The following PDE4D variants were observed in gnomAD, a reference collection of about 807,000 sequenced individuals.
PDE4D encodes the protein phosphodiesterase 4D.
In PDE4D, 24 loss-of-function variants were observed where a neutral mutation model predicts 87.4. The observed-to-expected ratio is 0.27, with a 90% CI of 0.20 to 0.39. PDE4D has a LOEUF of 0.39. PDE4D is among the 10% of genes least tolerant of loss of function. The pLI is 1.00. For synonymous variants in PDE4D, 384 were observed against 383.2 expected (o/e 1.00, Z -0.02); for missense variants, 714 against 1,041.0 (o/e 0.69, Z 4.32).
chr5:60,378,151 G>C (rs1583573277), intron 1 of PDE4D, among the ~76,000 whole-genome samples: 1 of 152,288 alleles, frequency 6.6e-6, no homozygotes, highest in Middle Eastern at 3.4e-3. Flanking sequence ...GGTAATGATA[G>C]TAATCCCAAA....
At chr5:59,451,872 C>T (rs1799210887) in intron 1 of PDE4D, among the ~76,000 whole-genome samples, 1 of 152,202 alleles carries the variant, frequency 6.6e-6, no homozygotes, top group Non-Finnish European at 1.5e-5. Context: ...AGCCCTCAAA[C>T]ATTCTTGACC....
At chr5:59,507,539 T>C (rs1212895021) in intron 1 of PDE4D, among the ~76,000 whole-genome samples, 1 of 148,968 alleles carries the variant, frequency 6.7e-6, no homozygotes, top group African/African-American at 2.5e-5. Context: ...GTGTCATATG[T>C]CTGTAGTCCT....
Position 58,975,515 on chromosome 5 carries a change from T to C in PDE4D, c.2013+142A>G. 3.5e-6 allele frequency: 2 copies of C among 568,964 alleles called. No individual in the cohort carries two copies. The highest frequency in any genetic ancestry group is 5.7e-6 in the Non-Finnish European group (2 of 349,606). 35.2% of individuals were successfully genotyped at this position (568,964 alleles called of 1,614,324 possible). On this transcript the variant is annotated intron_variant, in intron 14 of 14. Coordinates refer to ENST00000340635, the MANE Select transcript of PDE4D (RefSeq NM_001104631.2). This position sits in a 1 kb window ranked among gnomAD's most constrained non-coding sequence, Gnocchi z 4.2. ...ATAAGAATGAAAGTTCTTTGGATCA[T>C]AAATACTAAGGTGAAATTGAGCTTG...
At chr5:59,541,884 A>G (rs1463856049) in intron 1 of PDE4D, among the ~76,000 whole-genome samples, 3 of 152,140 alleles carry the variant, frequency 2.0e-5, no homozygotes, top group African/African-American at 7.2e-5. Context: ...ATCTGGATCT[A>G]GGGGTGACTG....
At chr5:59,226,483 G>T (rs1753799739) in intron 1 of PDE4D, among the ~76,000 whole-genome samples, 1 of 152,044 alleles carries the variant, frequency 6.6e-6, no homozygotes, top group South Asian at 2.1e-4. Flanking sequence ...GTGGTTGCTG[G>T]GCCTGGGTGG....
At chr5:60,274,610 C>T (rs1000852052) in intron 1 of PDE4D, among the ~76,000 whole-genome samples, 4 of 152,208 alleles carry the variant, frequency 2.6e-5, no homozygotes, top group Non-Finnish European at 4.4e-5. Flanking sequence ...ATCCACCCGC[C>T]TCAGCCTCCC....
At chr5:59,807,712 G>A (rs1767898978) in intron 1 of PDE4D, among the ~76,000 whole-genome samples, 2 of 152,172 alleles carry the variant, frequency 1.3e-5, no homozygotes, top group Admixed American at 6.5e-5. Context: ...TTCAGGTTCT[G>A]CATTTGAACT....
At chr5:59,734,748 AAG>A in intron 1 of PDE4D, among the ~76,000 whole-genome samples, 1 of 152,162 alleles carries the variant, frequency 6.6e-6, no homozygotes, top group Admixed American at 6.6e-5. Flanking sequence ...AAAACACAGA[AAG>A]AAAAGAGTTT....
rs959459617 is a variant in PDE4D, at chr5:60,251,323, A to T, written c.-89-65636T>A. On this transcript the variant is annotated intron_variant, in intron 1 of 16. Transcript: ENST00000502484. The stretch of plus-strand genomic sequence containing the variant: ...TTCATCACCAGGCATTAAGCCTGGT[A>T]CCTGCTGGTTATTTTCCTGATCCTC... 3.3e-5 allele frequency among the ~76,000 whole-genome samples: 5 copies of T among 152,002 alleles called. No individual in the cohort carries two copies. In the East Asian group the frequency reaches 7.8e-4, roughly 24 times the overall value.
chr5:59,209,904 C>T (rs145779972), intron 2 of PDE4D, among the ~76,000 whole-genome samples: 2 of 152,296 alleles, frequency 1.3e-5, no homozygotes, highest in East Asian at 1.9e-4. Flanking sequence ...CAGATGTTTT[C>T]GTGTTTTTCT....
rs548505106 is a variant in PDE4D, at chr5:59,114,663, A to G, written c.808+65932T>C. 7.9e-5 allele frequency among the ~76,000 whole-genome samples: 12 copies of G among 152,224 alleles called. No individual in the cohort carries two copies. The South Asian group carries it at 2.3e-3, about 29-fold the overall frequency. On this transcript the variant is annotated intron_variant, in intron 5 of 14. Coordinates refer to ENST00000340635, the MANE Select transcript of PDE4D (RefSeq NM_001104631.2). ...GATCCTGGGAACCCCAGGTCAAAGG[A>G]AGGGTGGGGGGAAAGGAAAAGAAAG...
intron 1 of PDE4D, among the ~76,000 whole-genome samples, chr5:59,679,732 A>G (rs1332522092): frequency 6.6e-6 from 1 of 152,170 alleles, no homozygotes. Flanking sequence ...GAAGACTTTC[A>G]TGGAATAATG....
intron 1 of PDE4D, among the ~76,000 whole-genome samples, chr5:59,805,207 A>G (rs896941984): frequency 1.5e-4 from 23 of 152,376 alleles, no homozygotes; most frequent in African/African-American, 5.5e-4. Flanking sequence ...TTTCAGTCAC[A>G]TGAAGCTACT....
chr5:60,180,052 C>G (rs1288050802), intron 2 of PDE4D, among the ~76,000 whole-genome samples: 1 of 152,142 alleles, frequency 6.6e-6, no homozygotes, highest in African/African-American at 2.4e-5. Context: ...TGGACGTAAT[C>G]ATTTGTAATT....
intron 1 of PDE4D, among the ~76,000 whole-genome samples, chr5:59,858,917 A>G (rs1459729097): frequency 1.3e-5 from 2 of 152,200 alleles, no homozygotes; most frequent in African/African-American, 4.8e-5. Context: ...AGAGACTCTC[A>G]CGGAGGAACT....
chr5:60,163,370 C>A (rs560311432), intron 2 of PDE4D, among the ~76,000 whole-genome samples: 1 of 152,124 alleles, frequency 6.6e-6, no homozygotes, highest in Non-Finnish European at 1.5e-5. Flanking sequence ...TAGCTACACA[C>A]CATTTAGCTA....
chr5:59,498,848 G>A (rs897278797), intron 1 of PDE4D, among the ~76,000 whole-genome samples: 4 of 151,948 alleles, frequency 2.6e-5, no homozygotes, highest in East Asian at 1.9e-4. Context: ...TTCAGCACAC[G>A]AGTGAAAGCA....
chr5:60,431,351 T>A (rs1744273020), intron 1 of PDE4D, among the ~76,000 whole-genome samples: 1 of 141,376 alleles, frequency 7.1e-6, no homozygotes, highest in Non-Finnish European at 1.5e-5. Context: ...TCCTCACTTC[T>A]CAGATGGGGC....
In PDE4D at chr5:59,998,480, A is replaced by G. The variant is rs919019194; in HGVS notation, c.43-9763T>C. ...CCACACCAACATCTCATTTATAAAA[A>G]CAAACAAAACCAAAATGTTTAAAAA... On this transcript the variant is annotated intron_variant, in intron 2 of 16. Transcript: ENST00000502484. Among the ~76,000 whole-genome samples, 7 of 152,288 alleles carry G rather than the reference A, an allele frequency of 4.6e-5. No homozygotes were observed. In the East Asian group the frequency reaches 1.4e-3, roughly 29 times the overall value.
Sources: gnomAD v4.1 joint callset for allele counts (sites outside exome capture counted in the v4.1 genomes callset) on GRCh38, gnomAD v4.1.1 for gene constraint, Gnocchi (gnomAD v3.1) non-coding constraint, MANE v1.5 for transcripts, NCBI Gene and HGNC (gene_info 2026-07-23, HGNC 2026-07-21) for gene names.